TSFM: variants seen among roughly 807,000 people sequenced by gnomAD.
The protein encoded by TSFM is elongation factor Ts, mitochondrial.
Under a neutral mutation model 33.4 loss-of-function variants are expected in TSFM, and 29 were observed. The observed-to-expected ratio is 0.87, with a 90% CI of 0.65 to 1.18. The LOEUF (loss-of-function observed/expected upper bound fraction) is 1.18. Ranked by LOEUF, TSFM falls within the 50% of genes most tolerant of loss-of-function variation. TSFM has a pLI of 0.00. For missense variants in TSFM, 394 were observed against 395.6 expected, an observed-to-expected ratio of 1.00 and a Z score of 0.04; for synonymous variants, 178 against 163.5, an observed-to-expected ratio of 1.09 and a Z score of -0.68.
chr12:57,790,067 T>C (rs981873015), intron 4 of TSFM, among the ~76,000 whole-genome samples: 5 of 145,588 alleles, frequency 3.4e-5, no homozygotes, highest in African/African-American at 1.3e-4. Flanking sequence ...TTTCTTTTTT[T>C]TTTTTTTTTT....
downstream of TSFM, among the ~76,000 whole-genome samples, chr12:57,800,804 C>T (rs1955831384): frequency 6.6e-6 from 1 of 152,130 alleles, no homozygotes; most frequent in African/African-American, 2.4e-5. Context: ...GACGGGGTTT[C>T]ACCATATTAG....
downstream of TSFM, chr12:57,802,541 T>G (rs752861604): frequency 5.2e-6 from 4 of 762,694 alleles, no homozygotes; most frequent in African/African-American, 1.7e-5. Flanking sequence ...TTAATTGCTA[T>G]GTGTATCTTC....
chr12:57,790,995 G>A (rs1384278262), intron 4 of TSFM, among the ~76,000 whole-genome samples: 2 of 150,332 alleles, frequency 1.3e-5, no homozygotes, highest in African/African-American at 4.9e-5. Flanking sequence ...CATGAGCCAC[G>A]GCACTGGGCC....
chr12:57,801,225 G>A, downstream of TSFM: 1 of 1,610,708 alleles, frequency 6.2e-7, no homozygotes. Flanking sequence ...GAGAAGAAGA[G>A]AGAGAAAACA....
Position 57,796,242 on chromosome 12 carries a change from G to A in TSFM, c.637G>A (p.Val213Ile), listed in dbSNP as rs143207991. The A allele has an allele frequency of 3.3e-5, 54 of 1,613,240 alleles. No individual in the cohort carries two copies. The highest frequency in any genetic ancestry group is 3.2e-4 in the African/African-American group (24 of 74,922). ...GGTGAAGGTGCCATCTGGGTTCTAC[G>A]TTGGCTCTTATGTCCACGGAGCAAT... Reference protein sequence around the residue: ...AWVKVPSGFYVGSYVHGAMQS... With the variant: ...AWVKVPSGFYIGSYVHGAMQS... The change falls in exon 6 of 6, where the codon GTT becomes ATT. Residue 213 changes from valine to isoleucine, a missense_variant. Val to Ile is a conservative substitution (Grantham distance 29, BLOSUM62 3). Around this residue, in one of 3 missense-constraint regions of TSFM, gnomAD observed 186 missense variants for 198.8 expected, o/e 0.94. Transcript: ENST00000652027.
rs773483526 is a variant in TSFM at position 57,786,170 on chromosome 12, T to C, written c.239T>C (p.Ile80Thr). The C allele has an allele frequency of 6.2e-7, 1 of 1,605,502 alleles. No individual in the cohort carries two copies. The highest frequency in any genetic ancestry group is 1.1e-5 in the South Asian group (1 of 89,580). ...TCGGDLKQAE[I>T]WLHKEAQKEG... ...TTTCCTCTCAATTTACAGGCAGAGA[T>C]CTGGCTCCACAAGGAGGCCCAGAAG... The change falls in exon 3 of 6, where the codon ATC (isoleucine) becomes ACC (threonine). Residue 80 changes from isoleucine (I) to threonine (T), a missense_variant. Around this residue, in one of 3 missense-constraint regions of TSFM, gnomAD observed 208 missense variants for 180.4 expected, o/e 1.15. Transcript: ENST00000652027.
intron 4 of TSFM, among the ~76,000 whole-genome samples, chr12:57,787,408 C>T (rs1486065791): frequency 6.6e-6 from 1 of 152,172 alleles, no homozygotes; most frequent in Non-Finnish European, 1.5e-5. Flanking sequence ...TCTTCCCCAG[C>T]AGAATGTAAG....
intron 5 of TSFM, among the ~76,000 whole-genome samples, 190 bp from the exon 6 acceptor site, chr12:57,795,987 C>T (rs576679285): frequency 4.6e-5 from 7 of 152,298 alleles, no homozygotes; most frequent in Non-Finnish European, 7.4e-5. Context: ...CCCCCACTCC[C>T]GCTCTCCTGC....
downstream of TSFM, chr12:57,802,117 C>G (rs11172345): frequency 8.7e-4 from 1,398 of 1,602,234 alleles, 15 homozygotes; most frequent in African/African-American, 0.017. Context: ...CTGTTCTGAG[C>G]TACCTGGCAG....
At chr12:57,793,893 T>C (rs1955697178) in intron 5 of TSFM, among the ~76,000 whole-genome samples, 1 of 152,190 alleles carries the variant, frequency 6.6e-6, no homozygotes, top group East Asian at 1.9e-4. Context: ...TTTCAAAAAA[T>C]CTGGTTGTGA....
chr12:57,796,561 A>G lies in TSFM; in HGVS notation c.956A>G (p.Glu319Gly), dbSNP rs1315464683. 1 of 1,437,524 alleles carries G rather than the reference A, an allele frequency of 7.0e-7. No individual in the cohort carries two copies. Among genetic ancestry groups the G allele is most frequent in the African/African-American group, 1.4e-5 (1 of 70,506 alleles). The allele number at this position is 1,437,524 out of a possible 1,614,324, so 89.0% of individuals were successfully genotyped here. ...DFVRFECGEG[E>G]EAAETE ...GTGCGGTTTGAATGTGGAGAAGGTG[A>G]AGAGGCAGCAGAAACTGAATAGGTT... The change falls in exon 6 of 6, where the codon GAA (glutamate) becomes GGA (glycine). Residue 319 changes from glutamate to glycine, a missense_variant. By Grantham distance (98) the Glu-to-Gly change is moderately conservative. This residue lies in a region of TSFM where 186 missense variants were observed against 198.8 expected (regional missense o/e 0.94). Transcript: ENST00000652027.
downstream of TSFM, chr12:57,801,151 A>AT: frequency 6.2e-7 from 1 of 1,613,656 alleles, no homozygotes; most frequent in Non-Finnish European, 8.5e-7. Context: ...CACAGCAGTG[A>AT]TTCGCATGAT....
Position 57,796,907 on chromosome 12 carries a change from C to A in TSFM, c.*324C>A. ...ATGTTCTGTCTTACACCTTTTATGA[C>A]ATAGAACTCTTTTGTTCTGTTTTTG... On this transcript the variant is annotated 3_prime_UTR_variant, in exon 6 of 6. Coordinates refer to ENST00000652027, the MANE Select transcript of TSFM (RefSeq NM_005726.6). 9.9e-7 allele frequency: 1 copy of A among 1,012,468 alleles called. No homozygotes were observed. Among genetic ancestry groups the A allele is most frequent in the Non-Finnish European group, 1.2e-6 (1 of 848,578 alleles). The allele number at this position is 1,012,468 out of a possible 1,614,324, so 62.7% of individuals were successfully genotyped here.
At chr12:57,799,937 TG>T (rs1315750279), downstream of TSFM, 1 of 1,613,978 alleles carries the variant, frequency 6.2e-7, no homozygotes, top group East Asian at 2.2e-5. Flanking sequence ...AAGATAAGAA[TG>T]TAGGCACAGG....
Position 57,796,296 on chromosome 12 carries a change from C to T in TSFM, c.691C>T (p.Leu231=). The change falls in exon 6 of 6, where the codon CTG becomes TTG. Residue 231 remains leucine, a synonymous_variant. Transcript: ENST00000652027. ...GAGTCCCTCACTTCACAAGCTGGTG[C>T]TGGGGAAGTATGGGGCCCTGGTCAT... The part of the protein sequence containing the change: ...MQSPSLHKLV[L]GKYGALVICE... 6.2e-7 allele frequency: 1 copy of T among 1,612,386 alleles called. No individual in the cohort carries two copies. The highest frequency in any genetic ancestry group is 8.5e-7 in the Non-Finnish European group (1 of 1,179,198).
intron 3 of TSFM, 134 bp downstream of exon 3, chr12:57,786,425 A>C (rs1955592013): frequency 5.9e-5 from 67 of 1,139,732 alleles, no homozygotes; most frequent in Non-Finnish European, 7.1e-5. Context: ...AGTTAAACTC[A>C]TGAAACCCTG....
downstream of TSFM, chr12:57,802,720 A>G (rs1955875792): frequency 1.5e-5 from 9 of 607,020 alleles, no homozygotes; most frequent in Non-Finnish European, 2.3e-5. Context: ...GATAGGTGGT[A>G]TCTATCTAGT....
At position 57,783,380 on chromosome 12, in the gene TSFM, G is replaced by A. The variant is rs1955540828; in HGVS notation, c.231+97G>A. 5.6e-6 allele frequency: 8 copies of A among 1,434,922 alleles called. No individual in the cohort carries two copies. In the South Asian group the frequency reaches 7.0e-5, roughly 12 times the overall value. The allele number at this position is 1,434,922 out of a possible 1,614,324, so 88.9% of individuals were successfully genotyped here. ...GAGCATAAAGTTAGACTGCTCTTCA[G>A]TGACCATAATGGCACAGTCCTAAGT... is the stretch of plus-strand genomic sequence containing the variant. On this transcript the variant is annotated intron_variant, in intron 2 of 5. Coordinates refer to ENST00000652027, the MANE Select transcript of TSFM (RefSeq NM_005726.6).
chr12:57,802,332 C>A (rs746464019), downstream of TSFM: 1 of 1,612,198 alleles, frequency 6.2e-7, no homozygotes, highest in Non-Finnish European at 8.5e-7. Flanking sequence ...GGCCTCAGCC[C>A]CAATCCACAA....
Sources: allele counts gnomAD v4.1 joint callset (sites outside exome capture counted in the v4.1 genomes callset), GRCh38; gene constraint gnomAD v4.1.1; regional missense constraint gnomAD v4.1.1; transcripts MANE v1.5; gene names NCBI Gene and HGNC (gene_info 2026-07-23, HGNC 2026-07-21).